The following ATG101 variants were observed in gnomAD, a reference collection of about 807,000 sequenced individuals.
The protein encoded by ATG101 is autophagy-related protein 101.
A neutral mutation model predicts 16.7 loss-of-function variants in ATG101; 6 were observed. The ratio of observed to expected loss-of-function variants is 0.36; its 90% CI spans 0.20 to 0.71. The LOEUF (loss-of-function observed/expected upper bound fraction) is 0.71. Among genes scored for constraint, ATG101 ranks in the 30% least tolerant of loss-of-function variants. ATG101 has a pLI of 0.57. For missense variants in ATG101, 200 were observed against 292.5 expected (o/e 0.68, Z 2.31); for synonymous variants, 108 against 118.1 (o/e 0.91, Z 0.56).
At chr12:52,071,355 A>G (rs1273563455) in intron 2 of ATG101, 1 of 152,260 alleles carries the variant, frequency 6.6e-6, no homozygotes, top group African/African-American at 2.4e-5. Flanking sequence ...GATGTGGAAC[A>G]GACATGTTTT....
rs1384766975 is a variant in ATG101, at chr12:52,076,952, G to C, written c.419G>C (p.Cys140Ser). Reference sequence around the variant, plus strand: ...GCCACGGAGCAGGAGCGGCAGATCTGCCGGGAGAAGGTGGGTGAGAAACTC... The same window carrying C: ...GCCACGGAGCAGGAGCGGCAGATCTCCCGGGAGAAGGTGGGTGAGAAACTC... ...ALATEQERQICREKVGEKLCE... is the reference protein window; with the variant it reads ...ALATEQERQISREKVGEKLCE... Residue 140 changes from cysteine (C) to serine (S), a missense_variant, in exon 4 of 4, where the codon TGC becomes TCC. Physicochemically the swap from Cys to Ser is moderately radical, Grantham distance 112. Transcript: ENST00000336854. 2 of 1,614,120 alleles carry C rather than the reference G, an allele frequency of 1.2e-6. No individual in the cohort carries two copies. The highest frequency in any genetic ancestry group is 2.2e-5 in the East Asian group (1 of 44,896).
Position 52,077,249 on chromosome 12 carries a change from G to A in ATG101, c.*59G>A. 4 of 1,556,720 alleles carry A rather than the reference G, an allele frequency of 2.6e-6. No homozygotes were observed. The highest frequency in any genetic ancestry group is 3.5e-6 in the Non-Finnish European group (4 of 1,145,776). On this transcript the variant is annotated 3_prime_UTR_variant, in exon 4 of 4. Transcript: ENST00000336854. The stretch of plus-strand genomic sequence containing the variant: ...TCCCAGACCTTGGCTTTTGGGAATT[G>A]CACTTTTGGGCCTTTGGGCTCTGGA...
At chr12:52,074,017 G>A (rs1052136753) in intron 3 of ATG101, 115 bp downstream of exon 3, 24 of 1,426,878 alleles carry the variant, frequency 1.7e-5, no homozygotes, top group African/African-American at 1.4e-5. Flanking sequence ...CTGAGTGCGT[G>A]AATCGGGTTC....
chr12:52,074,320 T>C (rs1939700357), intron 3 of ATG101, among the ~76,000 whole-genome samples: 1 of 151,810 alleles, frequency 6.6e-6, no homozygotes, highest in Non-Finnish European at 1.5e-5. Flanking sequence ...AAGATGGGAG[T>C]GTCCCTTTTG....
At chr12:52,072,720 G>C (rs764795796) in intron 2 of ATG101, among the ~76,000 whole-genome samples, 19 of 151,482 alleles carry the variant, frequency 1.3e-4, no homozygotes, top group Non-Finnish European at 1.0e-4. Flanking sequence ...GCCATTCTTT[G>C]CCCTTTAGCC....
At position 52,076,944 on chromosome 12, in the gene ATG101, G is replaced by T; in HGVS notation, c.411G>T (p.Arg137=). ...TAGCCCTGGCCACGGAGCAGGAGCG[G>T]CAGATCTGCCGGGAGAAGGTGGGTG... The part of the protein sequence containing the change: ...HVVALATEQE[R]QICREKVGEK... Residue 137 remains arginine (R), a synonymous_variant, in exon 4 of 4, where the codon CGG becomes CGT. Transcript: ENST00000336854. The T allele has an allele frequency of 6.2e-7, 1 of 1,614,248 alleles. No homozygotes were observed. Among genetic ancestry groups the T allele is most frequent in the Non-Finnish European group, 8.5e-7 (1 of 1,180,048 alleles).
chr12:52,071,633 A>G (rs930091711), intron 2 of ATG101, among the ~76,000 whole-genome samples: 2 of 152,140 alleles, frequency 1.3e-5, no homozygotes, highest in African/African-American at 2.4e-5. Flanking sequence ...CCTGGGTAAC[A>G]TGGCAAAACC....
chr12:52,071,348 G>C (rs1239511013), intron 2 of ATG101: 1 of 152,214 alleles, frequency 6.6e-6, no homozygotes, highest in African/African-American at 2.4e-5. Flanking sequence ...AAGATGTGAT[G>C]TGGAACAGAC....
At chr12:52,071,106 AAAAC>A (rs1252419496) in intron 2 of ATG101, 1 of 152,262 alleles carries the variant, frequency 6.6e-6, no homozygotes, top group African/African-American at 2.4e-5. Context: ...GGTAGAGACA[AAAAC>A]AAAACGTGAT....
At chr12:52,066,159 G>A (rs1417829086), upstream of ATG101, among the ~76,000 whole-genome samples, 1 of 152,166 alleles carries the variant, frequency 6.6e-6, no homozygotes, top group African/African-American at 2.4e-5. Context: ...TTACAGGTGT[G>A]AGCCACCACA....
chr12:52,072,002 C>T (rs904087859), intron 2 of ATG101, among the ~76,000 whole-genome samples: 1 of 152,194 alleles, frequency 6.6e-6, no homozygotes, highest in South Asian at 2.1e-4. Flanking sequence ...GTCTCTTGTT[C>T]TCTCCTTCCT....
At chr12:52,068,883 C>A (rs915010734), upstream of ATG101, among the ~76,000 whole-genome samples, 1 of 147,446 alleles carries the variant, frequency 6.8e-6, no homozygotes, top group South Asian at 2.2e-4. Context: ...CCCAGCTACT[C>A]GGGAGGCTGA....
upstream of ATG101, among the ~76,000 whole-genome samples, chr12:52,067,842 T>A (rs1939563195): frequency 1.3e-5 from 2 of 151,580 alleles, no homozygotes; most frequent in Non-Finnish European, 2.9e-5. Context: ...ATGATCCACC[T>A]GCCTCGGCCT....
chr12:52,075,323 G>A (rs567368821), intron 3 of ATG101, among the ~76,000 whole-genome samples: 1 of 152,346 alleles, frequency 6.6e-6, no homozygotes, highest in South Asian at 2.1e-4. Flanking sequence ...GCAGAGTGGT[G>A]AAGAGCATGG....
Position 52,076,914 on chromosome 12 carries a change from T to C in ATG101, c.381T>C (p.His127=), listed in dbSNP as rs1565662805. 6.2e-7 allele frequency: 1 copy of C among 1,614,132 alleles called. No homozygotes were observed. The highest frequency in any genetic ancestry group is 8.5e-7 in the Non-Finnish European group (1 of 1,180,022). The change falls in exon 4 of 4, where the codon CAT becomes CAC. Residue 127 remains histidine (H), a synonymous_variant. Coordinates refer to ENST00000336854, the MANE Select transcript of ATG101 (RefSeq NM_021934.5). ...GGGAAGTGTGGACGGTCAAGGTGCA[T>C]GTGGTAGCCCTGGCCACGGAGCAGG... ...IPWEVWTVKV[H]VVALATEQER... is the part of the protein sequence containing the mutation.
At chr12:52,068,095 G>A (rs1377150572), upstream of ATG101, among the ~76,000 whole-genome samples, 5 of 150,558 alleles carry the variant, frequency 3.3e-5, no homozygotes, top group East Asian at 9.7e-4. Flanking sequence ...TGCCCAGGCT[G>A]GAGTGCCGTG....
At chr12:52,067,857 A>G (rs982744823), upstream of ATG101, among the ~76,000 whole-genome samples, 1 of 151,738 alleles carries the variant, frequency 6.6e-6, no homozygotes, top group African/African-American at 2.4e-5. Flanking sequence ...CGGCCTCCCA[A>G]AGTGCTGGGA....
chr12:52,066,612 T>C (rs918273044), upstream of ATG101, among the ~76,000 whole-genome samples: 2 of 152,172 alleles, frequency 1.3e-5, no homozygotes, highest in African/African-American at 4.8e-5. Context: ...TCAGTTATAA[T>C]ATCAAGTAAA....
At chr12:52,076,632 C>T (rs1250541108) in intron 3 of ATG101, among the ~76,000 whole-genome samples, 154 bp from the exon 4 acceptor site, 1 of 152,202 alleles carries the variant, frequency 6.6e-6, no homozygotes, top group East Asian at 1.9e-4. Flanking sequence ...TGTCACTAAG[C>T]CCAAATCGTT....
Sources: gnomAD v4.1 joint callset for allele counts (sites outside exome capture counted in the v4.1 genomes callset) on GRCh38, gnomAD v4.1.1 for gene constraint, MANE v1.5 for transcripts, NCBI Gene and HGNC (gene_info 2026-07-23, HGNC 2026-07-21) for gene names.